The following STYXL1 variants were observed in gnomAD, a reference collection of about 807,000 sequenced individuals.
STYXL1 encodes serine/threonine/tyrosine-interacting-like protein 1.
A neutral mutation model predicts 36.4 loss-of-function variants in STYXL1; 32 were observed. The ratio of observed to expected loss-of-function variants is 0.88; its 90% CI spans 0.66 to 1.18. STYXL1 has a LOEUF of 1.18. STYXL1 is among the 50% of genes most tolerant of loss of function. The pLI is 0.00. For synonymous variants in STYXL1, 133 were observed against 144.1 expected (o/e 0.92, Z 0.55); for missense variants, 354 against 394.1 (o/e 0.90, Z 0.86).
intron 1 of STYXL1, among the ~76,000 whole-genome samples, chr7:76,040,822 C>CT (rs1290559562): frequency 1.1e-5 from 1 of 92,636 alleles, no homozygotes; most frequent in Non-Finnish European, 2.0e-5. Context: ...GGCAACACAG[C>CT]TAAAAAAAAA....
At chr7:76,003,717 G>C in intron 7 of STYXL1, 41 bp downstream of exon 7, 4 of 1,587,664 alleles carry the variant, frequency 2.5e-6, no homozygotes, top group Non-Finnish European at 3.5e-6. Context: ...CTGCTTCCCA[G>C]ACACAGGCCA....
In STYXL1 at chr7:76,001,094, T is replaced by A. The variant is rs1238357002; in HGVS notation, c.698-92A>T. ...GACACTGGCCTCCATGGGCCCGTGG[T>A]CCAAGCATGAGTTCAAAACCAGCCC... is the stretch of plus-strand genomic sequence containing the variant. On this transcript the variant is annotated intron_variant, in intron 7 of 8. Coordinates refer to ENST00000359697, the MANE Select transcript of STYXL1 (RefSeq NM_001317785.2). 8 of 965,866 alleles carry A rather than the reference T, an allele frequency of 8.3e-6. No individual in the cohort carries two copies. In the African/African-American group the frequency reaches 1.3e-4, roughly 15 times the overall value. The allele number at this position is 965,866 out of a possible 1,614,324, so 59.8% of individuals were successfully genotyped here. A position where few individuals can be genotyped will look rare whatever the true frequency, so the allele number is the denominator to read the frequency against.
intron 1 of STYXL1, among the ~76,000 whole-genome samples, chr7:76,046,595 C>T (rs1370740743): frequency 6.6e-6 from 1 of 151,528 alleles, no homozygotes; most frequent in East Asian, 1.9e-4. Flanking sequence ...GATCTGCCCG[C>T]CTTGACCTCC....
chr7:76,001,792 ATTTT>A (rs71082373), intron 7 of STYXL1, among the ~76,000 whole-genome samples: 3 of 96,950 alleles, frequency 3.1e-5, no homozygotes, highest in South Asian at 3.9e-4. Context: ...ACTGCGCCTG[ATTTT>A]TTTTTTTTTT....
intron 5 of STYXL1, among the ~76,000 whole-genome samples, chr7:76,010,993 T>C (rs2115710965): frequency 6.6e-6 from 1 of 152,278 alleles, no homozygotes; most frequent in South Asian, 2.1e-4. Flanking sequence ...GGCAGGAGGA[T>C]TGCTTAAGGT....
intron 8 of STYXL1, chr7:76,000,544 C>T (rs1211557332): frequency 3.2e-5 from 15 of 471,848 alleles, no homozygotes; most frequent in Admixed American, 7.0e-5. Context: ...GGGAGATAGA[C>T]GGGAGTGGGT....
At chr7:76,001,223 G>C (rs1156864153) in intron 7 of STYXL1, among the ~76,000 whole-genome samples, 2 of 152,194 alleles carry the variant, frequency 1.3e-5, no homozygotes, top group Non-Finnish European at 2.9e-5. Flanking sequence ...ATCATGCCTG[G>C]GCAACCAGCA....
intron 1 of STYXL1, among the ~76,000 whole-genome samples, chr7:76,034,710 G>T (rs1185803107): frequency 6.6e-6 from 1 of 152,166 alleles, no homozygotes; most frequent in African/African-American, 2.4e-5. Flanking sequence ...GGCATCCCTG[G>T]CCTCTGCCTA....
intron 5 of STYXL1, among the ~76,000 whole-genome samples, chr7:76,006,548 G>A (rs553767104): frequency 6.6e-6 from 1 of 152,232 alleles, no homozygotes; most frequent in South Asian, 2.1e-4. Flanking sequence ...CGGATCACGA[G>A]GTCAGGAGAT....
chr7:76,007,548 G>A (rs782406659), intron 5 of STYXL1, among the ~76,000 whole-genome samples: 8 of 152,140 alleles, frequency 5.3e-5, no homozygotes, highest in Non-Finnish European at 1.0e-4. Context: ...AACCTCCATG[G>A]ATACTGGACA....
At chr7:76,040,222 G>T (rs950771228) in intron 1 of STYXL1, among the ~76,000 whole-genome samples, 2 of 152,132 alleles carry the variant, frequency 1.3e-5, no homozygotes, top group South Asian at 4.1e-4. Context: ...CACTTCCTCC[G>T]ACTCTGTCTC....
chr7:76,016,680 A>G (rs1047547467), intron 4 of STYXL1, among the ~76,000 whole-genome samples: 1 of 152,154 alleles, frequency 6.6e-6, no homozygotes, highest in African/African-American at 2.4e-5. Flanking sequence ...CAAAACCACA[A>G]TGAGATAACC....
At chr7:76,028,531 G>A (rs1254964646) in intron 3 of STYXL1, 111 bp downstream of exon 3, 3 of 1,003,102 alleles carry the variant, frequency 3.0e-6, no homozygotes, top group Non-Finnish European at 4.6e-6. Flanking sequence ...TGGGCACATA[G>A]AAAACAGTCC....
intron 3 of STYXL1, among the ~76,000 whole-genome samples, chr7:76,022,716 C>T (rs1247643797): frequency 6.6e-6 from 1 of 151,516 alleles, no homozygotes; most frequent in Non-Finnish European, 1.5e-5. Flanking sequence ...AGTAAGTAGA[C>T]AGTGTGTAGA....
rs989033441 is a variant in STYXL1 at position 76,038,234 on chromosome 7, T to C, written c.-4-7707A>G. ...CACACCTAGCTAAGTTTTTATTTTT[T>C]TGTAGAGACAGGGTCTCGCTTCCGG... On this transcript the variant is annotated intron_variant, in intron 1 of 8. Transcript: ENST00000359697. 3.4e-5 allele frequency among the ~76,000 whole-genome samples: 5 copies of C among 148,878 alleles called. 1 individual carries two copies. Among genetic ancestry groups the C allele is most frequent in the Non-Finnish European group, 7.5e-5 (5 of 66,656 alleles).
At chr7:75,999,557 T>TGTA (rs56057187) in intron 8 of STYXL1, among the ~76,000 whole-genome samples, 2 of 143,222 alleles carry the variant, frequency 1.4e-5, no homozygotes, top group Non-Finnish European at 1.5e-5. Context: ...GTGTGTATAT[T>TGTA]TTTTTTTGAG....
chr7:76,013,706 C>A lies in STYXL1; in HGVS notation c.453+36G>T, dbSNP rs782185106. 1.2e-5 allele frequency: 19 copies of A among 1,613,266 alleles called. No individual in the cohort carries two copies. In the East Asian group the frequency reaches 3.8e-4, roughly 32 times the overall value. ...AGTCAGTTTCTAGGCCCATCCTTCC[C>A]GTCTGGGCCTGCCTGTGCTCAGCAT... On this transcript the variant is annotated intron_variant, in intron 5 of 8. Transcript: ENST00000359697.
chr7:76,026,192 C>CAAAAAAAAAAA lies in STYXL1; in HGVS notation c.165+2439_165+2449dup, dbSNP rs1159067824. Among the ~76,000 whole-genome samples, 12 of 18,624 alleles carry CAAAAAAAAAAA rather than the reference C, an allele frequency of 6.4e-4. 3 individuals are homozygous for CAAAAAAAAAAA. The highest frequency in any genetic ancestry group is 7.8e-4 in the Non-Finnish European group (9 of 11,488). The allele number at this position is 18,624 out of a possible 152,430, so 12.2% of individuals were successfully genotyped here. The stretch of plus-strand genomic sequence containing the variant: ...GGAGGACAGAGCAAGACTCTGTCTC[C>CAAAAAAAAAAA]AAAAAAAAAAAAAAAAAAAAAAAAA... On this transcript the variant is annotated intron_variant, in intron 3 of 8. Transcript: ENST00000359697.
intron 8 of STYXL1, 27 bp from the exon 9 acceptor site, chr7:75,996,626 C>T (rs782515092): frequency 3.1e-6 from 5 of 1,611,808 alleles, no homozygotes; most frequent in Non-Finnish European, 4.2e-6. Context: ...AGAAAGTGAA[C>T]TTCACGATTG....
Sources: allele counts gnomAD v4.1 joint callset (sites outside exome capture counted in the v4.1 genomes callset), GRCh38; gene constraint gnomAD v4.1.1; transcripts MANE v1.5; gene names NCBI Gene and HGNC (gene_info 2026-07-23, HGNC 2026-07-21).